Variants in CRIM1 observed in about 807,000 individuals in gnomAD.
CRIM1 encodes the protein cysteine-rich motor neuron 1 protein.
CRIM1 carries 32 observed loss-of-function variants against 116.4 expected under a neutral mutation model. The observed-to-expected ratio is 0.27, with a 90% CI of 0.21 to 0.37. The LOEUF (loss-of-function observed/expected upper bound fraction) is 0.37. Among genes scored for constraint, CRIM1 ranks in the 10% least tolerant of loss-of-function variants. CRIM1 has a pLI of 1.00. For synonymous variants in CRIM1, 590 were observed against 509.2 expected, an observed-to-expected ratio of 1.16 and a Z score of -2.13; for missense variants, 1,331 against 1,354.8, an observed-to-expected ratio of 0.98 and a Z score of 0.28.
chr2:36,498,898 A>G (rs1166510205), intron 7 of CRIM1, among the ~76,000 whole-genome samples: 1 of 152,246 alleles, frequency 6.6e-6, no homozygotes, highest in Non-Finnish European at 1.5e-5. Flanking sequence ...AGAGCAGTTA[A>G]CAATTTAAAC....
At chr2:36,382,262 T>C (rs1390955292) in intron 1 of CRIM1, among the ~76,000 whole-genome samples, 2 of 152,226 alleles carry the variant, frequency 1.3e-5, no homozygotes. Context: ...TGTTTAAAAT[T>C]AAATTCCATG....
At chr2:36,412,336 A>G (rs79277126) in intron 2 of CRIM1, among the ~76,000 whole-genome samples, 2,285 of 152,234 alleles carry the variant, frequency 0.015, 56 homozygotes, top group African/African-American at 0.052. Flanking sequence ...ATCGACATAG[A>G]ATGGAAGTCA....
intron 2 of CRIM1, among the ~76,000 whole-genome samples, chr2:36,418,609 T>A (rs1572688436): frequency 6.6e-6 from 1 of 152,158 alleles, no homozygotes; most frequent in Non-Finnish European, 1.5e-5. Context: ...TATTCTGCCA[T>A]GTCCGGGTTC....
At chr2:36,442,502 T>G (rs17018798) in intron 3 of CRIM1, 113 bp from the exon 4 acceptor site, 1 of 1,286,254 alleles carries the variant, frequency 7.8e-7, no homozygotes, top group Non-Finnish European at 1.1e-6. Flanking sequence ...TAGGACTGGG[T>G]TTGTGGAAGC....
At chr2:36,440,569 A>G (rs1220269964) in intron 2 of CRIM1, among the ~76,000 whole-genome samples, 2 of 152,182 alleles carry the variant, frequency 1.3e-5, no homozygotes, top group Non-Finnish European at 2.9e-5. Flanking sequence ...TATTTTTCGC[A>G]TCTCTAAAAT....
At chr2:36,502,439 T>C (rs1009556738) in intron 8 of CRIM1, among the ~76,000 whole-genome samples, 6 of 152,198 alleles carry the variant, frequency 3.9e-5, no homozygotes, top group African/African-American at 1.4e-4. Context: ...AAGAAATAGG[T>C]ACAGGAGGAG....
chr2:36,399,787 A>G (rs1327471803), intron 2 of CRIM1, among the ~76,000 whole-genome samples: 1 of 152,240 alleles, frequency 6.6e-6, no homozygotes, highest in East Asian at 1.9e-4. Flanking sequence ...TTTGTTTCTC[A>G]GGGAAGTATA....
intron 2 of CRIM1, among the ~76,000 whole-genome samples, chr2:36,412,045 T>G (rs1206238771): frequency 2.0e-5 from 3 of 152,148 alleles, no homozygotes; most frequent in African/African-American, 7.2e-5. Context: ...ATATGAGAGA[T>G]AAAGTCGAAA....
chr2:36,544,344 C>T, intron 14 of CRIM1, 32 bp from the exon 15 acceptor site: 1 of 1,321,458 alleles, frequency 7.6e-7, no homozygotes, highest in Non-Finnish European at 9.7e-7. Context: ...GCAGCTTCAT[C>T]ATCTCTTAGG....
intron 5 of CRIM1, among the ~76,000 whole-genome samples, chr2:36,474,847 C>CAAAAA (rs56084308): frequency 0.18 from 16,508 of 89,992 alleles, 2,002 homozygotes; most frequent in African/African-American, 0.2. Flanking sequence ...GACTCTATAT[C>CAAAAA]AAAAAAAAAA....
At chr2:36,438,143 CA>C (rs11409271) in intron 2 of CRIM1, among the ~76,000 whole-genome samples, 4 of 135,146 alleles carry the variant, frequency 3.0e-5, no homozygotes, top group Admixed American at 2.2e-4. Context: ...AAAAAAAAAA[CA>C]AAAAAAAAGA....
chr2:36,371,835 T>C (rs1669966185), intron 1 of CRIM1, among the ~76,000 whole-genome samples: 1 of 152,174 alleles, frequency 6.6e-6, no homozygotes, highest in African/African-American at 2.4e-5. Context: ...TACTAAACGG[T>C]TGAGATACTG....
intron 13 of CRIM1, among the ~76,000 whole-genome samples, chr2:36,533,979 GGA>G (rs1232884349): frequency 3.2e-4 from 48 of 149,032 alleles, no homozygotes; most frequent in Admixed American, 1.4e-3. Flanking sequence ...AGGGAAGGAA[GGA>G]GAGAGGGGGA....
At chr2:36,385,753 C>T (rs770194234) in intron 1 of CRIM1, among the ~76,000 whole-genome samples, 11 of 152,168 alleles carry the variant, frequency 7.2e-5, no homozygotes, top group Non-Finnish European at 1.6e-4. Flanking sequence ...TTTCCTGTTT[C>T]TTCAGCTCCT....
Position 36,477,016 on chromosome 2 carries a change from G to C in CRIM1, c.1119G>C (p.Glu373Asp), listed in dbSNP as rs769666452. The C allele has an allele frequency of 6.2e-7, 1 of 1,613,760 alleles. No homozygotes were observed. Among genetic ancestry groups the C allele is most frequent in the Non-Finnish European group, 8.5e-7 (1 of 1,179,742 alleles). ...VAICFTAQCG[E>D]INCERYYVPE... is the part of the protein sequence containing the mutation. Reference sequence around the variant, plus strand: ...TCTGCTTCACCGCCCAGTGTGGTGAGATAAACTGCGAGAGGTACTACGTGC... The same window carrying C: ...TCTGCTTCACCGCCCAGTGTGGTGACATAAACTGCGAGAGGTACTACGTGC... Residue 373 changes from glutamate (E) to aspartate (D), a missense_variant, in exon 6 of 17, where the codon GAG (glutamate) becomes GAC (aspartate). Coordinates refer to ENST00000280527, the MANE Select transcript of CRIM1 (RefSeq NM_016441.3).
intron 2 of CRIM1, among the ~76,000 whole-genome samples, chr2:36,439,359 C>T (rs1325509367): frequency 6.6e-6 from 1 of 152,204 alleles, no homozygotes; most frequent in East Asian, 1.9e-4. Flanking sequence ...TGTTGTTGCC[C>T]AGGTTCCCAA....
At chr2:36,408,744 T>C (rs903803892) in intron 2 of CRIM1, among the ~76,000 whole-genome samples, 45 of 152,132 alleles carry the variant, frequency 3.0e-4, no homozygotes, top group African/African-American at 1.0e-3. Flanking sequence ...ATCTGGGATT[T>C]TGGACAACTC....
In CRIM1 at chr2:36,479,558, C is replaced by T. The variant is rs142581295; in HGVS notation, c.1236C>T (p.His412=). The T allele has an allele frequency of 5.1e-5, 83 of 1,614,126 alleles. No individual in the cohort carries two copies. The highest frequency in any genetic ancestry group is 1.8e-4 in the East Asian group (8 of 44,900). ...GCYANGLILA[H]GDRWREDDCT... ...ATGCCAATGGCCTGATCCTTGCCCA[C>T]GGAGACCGGTGGCGGGAAGACGACT... is the stretch of plus-strand genomic sequence containing the variant. The change falls in exon 7 of 17, where the codon CAC becomes CAT. Residue 412 remains histidine (H), a synonymous_variant. Coordinates refer to ENST00000280527, the MANE Select transcript of CRIM1 (RefSeq NM_016441.3).
intron 11 of CRIM1, among the ~76,000 whole-genome samples, chr2:36,515,835 C>T (rs1223793376): frequency 6.6e-6 from 1 of 152,246 alleles, no homozygotes; most frequent in Admixed American, 6.5e-5. Context: ...TGTCAGTCCT[C>T]TCTAAGCCCT....
Sources: allele counts gnomAD v4.1 joint callset (sites outside exome capture counted in the v4.1 genomes callset), GRCh38; gene constraint gnomAD v4.1.1; transcripts MANE v1.5; gene names NCBI Gene and HGNC (gene_info 2026-07-23, HGNC 2026-07-21).